Variants in MCTP1 observed in about 807,000 individuals in gnomAD.
MCTP1 encodes the protein multiple C2 and transmembrane domain-containing protein 1.
Under a neutral mutation model 120.6 loss-of-function variants are expected in MCTP1, and 69 were observed. That is an observed-to-expected ratio of 0.57 (90% CI 0.47 to 0.70). The LOEUF (loss-of-function observed/expected upper bound fraction) is 0.70. MCTP1 is among the 30% of genes least tolerant of loss of function. The pLI, the probability that MCTP1 is intolerant of heterozygous loss-of-function variation, is 0.00. For missense variants in MCTP1, 1,203 were observed against 1,248.8 expected, an observed-to-expected ratio of 0.96 and a Z score of 0.55; for synonymous variants, 529 against 493.1, an observed-to-expected ratio of 1.07 and a Z score of -0.96.
intron 19 of MCTP1, among the ~76,000 whole-genome samples, chr5:94,759,851 T>A (rs1770854101): frequency 6.9e-6 from 1 of 144,614 alleles, no homozygotes; most frequent in Non-Finnish European, 1.5e-5. Context: ...TAATGCAAAA[T>A]GTCTTTTTTT....
chr5:94,848,129 A>G (rs954638262), intron 17 of MCTP1, among the ~76,000 whole-genome samples: 2 of 152,098 alleles, frequency 1.3e-5, no homozygotes, highest in Admixed American at 1.3e-4. Context: ...AAAAATAATG[A>G]TCTAAAACTA....
At chr5:95,045,936 C>T (rs1474558853) in intron 1 of MCTP1, among the ~76,000 whole-genome samples, 1 of 152,106 alleles carries the variant, frequency 6.6e-6, no homozygotes, top group Non-Finnish European at 1.5e-5. Flanking sequence ...CTCTTCATAC[C>T]TCAGCTTTCC....
At chr5:95,228,286 T>C (rs926974573) in intron 1 of MCTP1, among the ~76,000 whole-genome samples, 3 of 152,208 alleles carry the variant, frequency 2.0e-5, no homozygotes, top group African/African-American at 7.2e-5. Context: ...AGGGCATTTG[T>C]AACAAGCTAA....
intron 17 of MCTP1, among the ~76,000 whole-genome samples, chr5:94,801,549 G>A (rs76703059): frequency 4.6e-5 from 7 of 152,222 alleles, no homozygotes; most frequent in Admixed American, 3.9e-4. Context: ...CTTCCTTTAT[G>A]TTCCTTTTCT....
intron 17 of MCTP1, among the ~76,000 whole-genome samples, chr5:94,834,812 C>CTTT (rs141103769): frequency 2.3e-5 from 2 of 88,630 alleles, no homozygotes; most frequent in African/African-American, 8.1e-5. Flanking sequence ...AACATTCTCT[C>CTTT]TTTTTTTTTT....
chr5:95,073,784 GT>G (rs1443797113), intron 1 of MCTP1, among the ~76,000 whole-genome samples: 2 of 152,232 alleles, frequency 1.3e-5, no homozygotes, highest in African/African-American at 4.8e-5. Flanking sequence ...GGTGCCCCAG[GT>G]TTTCTTAACT....
chr5:95,170,523 C>T (rs2152495279), intron 1 of MCTP1, among the ~76,000 whole-genome samples: 1 of 152,198 alleles, frequency 6.6e-6, no homozygotes, highest in East Asian at 1.9e-4. Flanking sequence ...TAAAGTCTCC[C>T]ATTATTATTG....
At chr5:95,269,294 A>G (rs569829456) in intron 1 of MCTP1, among the ~76,000 whole-genome samples, 3 of 152,362 alleles carry the variant, frequency 2.0e-5, no homozygotes, top group Admixed American at 2.0e-4. Flanking sequence ...GGACATCTTT[A>G]CAAAACAACT....
At chr5:94,926,638 T>A (rs1408663161) in intron 6 of MCTP1, among the ~76,000 whole-genome samples, 1 of 152,172 alleles carries the variant, frequency 6.6e-6, no homozygotes, top group Admixed American at 6.5e-5. Context: ...CCACTCAATT[T>A]AATAACTAAC....
intron 7 of MCTP1, among the ~76,000 whole-genome samples, chr5:94,921,535 T>C (rs1022347295): frequency 1.3e-5 from 2 of 152,236 alleles, no homozygotes; most frequent in South Asian, 4.1e-4. Context: ...AAAGATTTTA[T>C]CTACTTAGAC....
intron 19 of MCTP1, among the ~76,000 whole-genome samples, chr5:94,720,304 A>C (rs898360589): frequency 6.6e-5 from 10 of 152,080 alleles, no homozygotes; most frequent in Non-Finnish European, 1.2e-4. Flanking sequence ...ATGGTTACAT[A>C]AAATTTAAAA....
rs527928303 is a variant in MCTP1 at position 94,865,889 on chromosome 5, C to T, written c.2436+2444G>A. 7.9e-5 allele frequency among the ~76,000 whole-genome samples: 12 copies of T among 151,958 alleles called. No homozygotes were observed. In the South Asian group the frequency reaches 1.2e-3, roughly 16 times the overall value. ...ATAAGGTTGTTGGGAATATGAAATT[C>T]GCTAATGCATGTAAAACAGTTCCTT... is the stretch of plus-strand genomic sequence containing the variant. On this transcript the variant is annotated intron_variant, in intron 17 of 22. Transcript: ENST00000515393.
chr5:94,704,692 G>T lies in MCTP1; in HGVS notation c.*2804C>A, dbSNP rs781038239. ...ATTGGTTTGACCGTTGTCTATAACA[G>T]GGTCATACAGTTGGTATTCGATAAA... On this transcript the variant is annotated 3_prime_UTR_variant, in exon 23 of 23. Coordinates refer to ENST00000515393, the MANE Select transcript of MCTP1 (RefSeq NM_024717.7). The T allele has an allele frequency of 4.0e-5, 6 of 151,128 alleles. No individual in the cohort carries two copies. Among genetic ancestry groups the T allele is most frequent in the Non-Finnish European group, 5.9e-5 (4 of 67,478 alleles). 9.4% of individuals were successfully genotyped at this position (151,128 alleles called of 1,614,324 possible).
chr5:95,213,097 T>C (rs1231744178), intron 1 of MCTP1, among the ~76,000 whole-genome samples: 1 of 152,164 alleles, frequency 6.6e-6, no homozygotes, highest in Non-Finnish European at 1.5e-5. Flanking sequence ...GATGACATGA[T>C]TGTATATCTA....
chr5:94,969,218 T>C (rs578149100), intron 2 of MCTP1, among the ~76,000 whole-genome samples: 1 of 152,294 alleles, frequency 6.6e-6, no homozygotes. Context: ...GGCAGGATAC[T>C]GATGGGCACT....
At chr5:94,711,255 C>CACTA (rs1432815950) in intron 20 of MCTP1, among the ~76,000 whole-genome samples, 1 of 152,066 alleles carries the variant, frequency 6.6e-6, no homozygotes, top group African/African-American at 2.4e-5. Context: ...AAGACTAGTA[C>CACTA]CCATCCTTGT....
chr5:95,008,303 A>G (rs1835162315), intron 2 of MCTP1, among the ~76,000 whole-genome samples: 1 of 152,150 alleles, frequency 6.6e-6, no homozygotes, highest in Non-Finnish European at 1.5e-5. Flanking sequence ...TTTAATGTCC[A>G]ACCCCTTCAT....
intron 1 of MCTP1, among the ~76,000 whole-genome samples, chr5:95,260,613 G>A (rs1758390323): frequency 6.6e-6 from 1 of 152,040 alleles, no homozygotes. Context: ...GTATATGTGT[G>A]TGTATATATA....
At chr5:94,820,943 T>C (rs1255444140) in intron 17 of MCTP1, among the ~76,000 whole-genome samples, 1 of 152,176 alleles carries the variant, frequency 6.6e-6, no homozygotes, top group Non-Finnish European at 1.5e-5. Context: ...TGAGTAATAA[T>C]CTTTAAAATA....
Sources: gnomAD v4.1 joint callset for allele counts (sites outside exome capture counted in the v4.1 genomes callset) on GRCh38, gnomAD v4.1.1 for gene constraint, MANE v1.5 for transcripts, NCBI Gene and HGNC (gene_info 2026-07-23, HGNC 2026-07-21) for gene names.